Variants in H3C4 observed in about 807,000 individuals in gnomAD.
H3C4 encodes the protein histone H3.1.
H3C4 carries 10 observed loss-of-function variants against 8.7 expected under a neutral mutation model. The ratio of observed to expected loss-of-function variants is 1.15; its 90% CI spans 0.71 to 1.96. H3C4 has a LOEUF of 1.96. Among genes scored for constraint, H3C4 ranks in the 30% most tolerant of loss-of-function variants. The pLI, the probability that H3C4 is intolerant of heterozygous loss-of-function variation, is 0.00. For synonymous variants in H3C4, 141 were observed against 80.1 expected, an observed-to-expected ratio of 1.76 and a Z score of -4.06; for missense variants, 216 against 192.9, an observed-to-expected ratio of 1.12 and a Z score of -0.71.
upstream of H3C4, chr6:26,197,392 C>G: frequency 1.3e-6 from 1 of 746,712 alleles, no homozygotes; most frequent in East Asian, 2.7e-5. Context: ...CACTCCCTGA[C>G]AGAACATCTC....
At chr6:26,198,752 C>G (rs77463023), upstream of H3C4, 6 of 1,218,800 alleles carry the variant, frequency 4.9e-6, no homozygotes, top group Middle Eastern at 2.0e-4. Flanking sequence ...TAGCTATTTA[C>G]ACAGAAAATG....
chr6:26,199,087 C>G (rs773050913), upstream of H3C4: 1 of 1,614,058 alleles, frequency 6.2e-7, no homozygotes, highest in Non-Finnish European at 8.5e-7. Context: ...AACACCGCCG[C>G]CAGATACACT....
upstream of H3C4, chr6:26,199,146 C>G: frequency 6.2e-7 from 1 of 1,614,114 alleles, no homozygotes; most frequent in Non-Finnish European, 8.5e-7. Flanking sequence ...GCGGAGCAAG[C>G]GGTGTACGCG....
At chr6:26,198,718 A>T, upstream of H3C4, 2 of 856,224 alleles carry the variant, frequency 2.3e-6, no homozygotes, top group Non-Finnish European at 3.6e-6. Context: ...ATAAATGGAA[A>T]AATTATTAAA....
chr6:26,198,904 C>T, upstream of H3C4: 1 of 1,614,236 alleles, frequency 6.2e-7, no homozygotes, highest in Non-Finnish European at 8.5e-7. Context: ...AGCAGTACAG[C>T]CTGGATGTTG....
upstream of H3C4, chr6:26,199,100 C>T: frequency 6.2e-7 from 1 of 1,614,162 alleles, no homozygotes; most frequent in Non-Finnish European, 8.5e-7. Context: ...GATACACTGG[C>T]GCGCCGGCCC....
chr6:26,196,787 T>C lies in H3C4; in HGVS notation c.*53A>G. On this transcript the variant is annotated 3_prime_UTR_variant, in exon 1 of 1. Transcript: ENST00000356476. ...ACAGCAACTTTTATAGAAAAGGTGG[T>C]TGGCTCTGAAAAGAGCCTTTGGGTT... The C allele has an allele frequency of 4.4e-6, 7 of 1,585,798 alleles. No individual in the cohort carries two copies. Among genetic ancestry groups the C allele is most frequent in the Non-Finnish European group, 5.2e-6 (6 of 1,160,016 alleles).
chr6:26,198,935 A>T, upstream of H3C4: 1 of 1,614,188 alleles, frequency 6.2e-7, no homozygotes, highest in Non-Finnish European at 8.5e-7. Flanking sequence ...CGCCCTGAGC[A>T]ATTGTGACTT....
Position 26,196,790 on chromosome 6 carries a change from G to A in H3C4, c.*50C>T. ...GCAACTTTTATAGAAAAGGTGGTTG[G>A]CTCTGAAAAGAGCCTTTGGGTTTTG... On this transcript the variant is annotated 3_prime_UTR_variant, in exon 1 of 1. Coordinates refer to ENST00000356476, the MANE Select transcript of H3C4 (RefSeq NM_001376937.1). 1.3e-6 allele frequency: 2 copies of A among 1,599,194 alleles called. No individual in the cohort carries two copies. The highest frequency in any genetic ancestry group is 2.2e-5 in the East Asian group (1 of 44,804).
upstream of H3C4, chr6:26,197,402 C>T (rs1381871699): frequency 1.4e-6 from 1 of 695,830 alleles, no homozygotes; most frequent in Non-Finnish European, 2.4e-6. Flanking sequence ...CAGAACATCT[C>T]CTGCATGTAG....
At chr6:26,198,486 C>G (rs780861780), upstream of H3C4, among the ~76,000 whole-genome samples, 4 of 152,118 alleles carry the variant, frequency 2.6e-5, no homozygotes, top group South Asian at 6.2e-4. Context: ...CGCGCGCCAC[C>G]ACGCCCGACA....
chr6:26,198,935 A>G (rs112920691), upstream of H3C4: 2,608 of 1,614,188 alleles, frequency 1.6e-3, 21 homozygotes, highest in African/African-American at 0.024. Flanking sequence ...CGCCCTGAGC[A>G]ATTGTGACTT....
chr6:26,198,825 A>G, upstream of H3C4: 1 of 1,602,212 alleles, frequency 6.2e-7, no homozygotes, highest in Non-Finnish European at 8.5e-7. Context: ...CTGCTTCCTT[A>G]AAAAGCCAAT....
Position 26,196,910 on chromosome 6 carries a change from T to G in H3C4, c.341A>C (p.His114Pro). 6.2e-7 allele frequency: 1 copy of G among 1,614,238 alleles called. No homozygotes were observed. Among genetic ancestry groups the G allele is most frequent in the Non-Finnish European group, 8.5e-7 (1 of 1,180,038 alleles). ...GGGCATGATAGTCACTCGCTTGGCGTGAATGGCGCATAGGTTGGTGTCCTC... is the reference window on the plus strand; with the variant it reads ...GGGCATGATAGTCACTCGCTTGGCGGGAATGGCGCATAGGTTGGTGTCCTC... ...LFEDTNLCAI[H>P]AKRVTIMPKD... The change falls in exon 1 of 1, where the codon CAC (histidine) becomes CCC (proline). Residue 114 changes from histidine (H) to proline (P), a missense_variant. His to Pro is a moderately conservative substitution (Grantham distance 77). Coordinates refer to ENST00000356476, the MANE Select transcript of H3C4 (RefSeq NM_001376937.1).
chr6:26,197,344 G>A, upstream of H3C4: 2 of 1,381,390 alleles, frequency 1.4e-6, no homozygotes, highest in Non-Finnish European at 9.9e-7. Flanking sequence ...GATTGGACAA[G>A]GCAGCCTTTC....
chr6:26,199,030 G>A (rs753970855), upstream of H3C4: 1 of 1,614,106 alleles, frequency 6.2e-7, no homozygotes, highest in Non-Finnish European at 8.5e-7. Flanking sequence ...TTGTTGTCGC[G>A]GGCGGCGTTG....
upstream of H3C4, among the ~76,000 whole-genome samples, chr6:26,198,505 T>C (rs1055172052): frequency 3.3e-5 from 5 of 152,152 alleles, no homozygotes; most frequent in African/African-American, 1.2e-4. Context: ...CAAATTTTTT[T>C]ATTTTTAGTA....
At chr6:26,199,141 G>A (rs746905455), upstream of H3C4, 10 of 1,614,084 alleles carry the variant, frequency 6.2e-6, no homozygotes, top group Non-Finnish European at 8.5e-6. Flanking sequence ...CCCTTGCGGA[G>A]CAAGCGGTGT....
chr6:26,197,265 C>G lies in H3C4; in HGVS notation c.-15G>C. Reference sequence around the variant, plus strand: ...GTACGAGCCATTGCGAACTTCTAAACCCTGCTAAATGACGAAAAAACGAAA... The same window carrying G: ...GTACGAGCCATTGCGAACTTCTAAAGCCTGCTAAATGACGAAAAAACGAAA... On this transcript the variant is annotated 5_prime_UTR_variant, in exon 1 of 1. Transcript: ENST00000356476. 4 of 1,601,186 alleles carry G rather than the reference C, an allele frequency of 2.5e-6. No homozygotes were observed. Among genetic ancestry groups the G allele is most frequent in the Middle Eastern group, 1.7e-4 (1 of 6,018 alleles).
Sources: gnomAD v4.1 joint callset for allele counts (sites outside exome capture counted in the v4.1 genomes callset) on GRCh38, gnomAD v4.1.1 for gene constraint, MANE v1.5 for transcripts, NCBI Gene and HGNC (gene_info 2026-07-23, HGNC 2026-07-21) for gene names.